Variants in RSBN1L observed in about 807,000 individuals in gnomAD.
The protein encoded by RSBN1L is round spermatid basic protein 1 like, also known as lysine-specific demethylase RSBN1L.
A neutral mutation model predicts 67.7 loss-of-function variants in RSBN1L; 30 were observed. The observed-to-expected ratio is 0.44, with a 90% confidence interval of 0.33 to 0.60. The LOEUF (loss-of-function observed/expected upper bound fraction) is 0.60. Among genes scored for constraint, RSBN1L ranks in the 20% least tolerant of loss-of-function variants. RSBN1L has a pLI of 0.02. For synonymous variants in RSBN1L, 433 were observed against 387.0 expected (o/e 1.12, Z -1.39); for missense variants, 992 against 1,031.7 (o/e 0.96, Z 0.53).
At chr7:77,699,771 G>T (rs1184558229) in intron 1 of RSBN1L, among the ~76,000 whole-genome samples, 1 of 151,706 alleles carries the variant, frequency 6.6e-6, no homozygotes. Context: ...TTTCTTATAA[G>T]AAGGAAAAGT....
At chr7:77,758,101 A>C (rs1791644687) in intron 3 of RSBN1L, among the ~76,000 whole-genome samples, 1 of 152,196 alleles carries the variant, frequency 6.6e-6, no homozygotes, top group Non-Finnish European at 1.5e-5. Context: ...CACTGTTTTT[A>C]ATCGATAAAA....
chr7:77,767,932 C>G (rs1257714812), intron 4 of RSBN1L, among the ~76,000 whole-genome samples: 1 of 142,838 alleles, frequency 7.0e-6, no homozygotes, highest in Non-Finnish European at 1.5e-5. Flanking sequence ...CTCACTGCAA[C>G]CTCCGCCTCC....
chr7:77,772,596 GA>G (rs1318796632), intron 5 of RSBN1L, among the ~76,000 whole-genome samples: 1 of 152,190 alleles, frequency 6.6e-6, no homozygotes, highest in African/African-American at 2.4e-5. Context: ...ATGTTTTGTG[GA>G]AGCACTTACT....
intron 1 of RSBN1L, among the ~76,000 whole-genome samples, chr7:77,720,966 A>G (rs908880914): frequency 1.3e-5 from 2 of 151,746 alleles, no homozygotes; most frequent in Non-Finnish European, 2.9e-5. Context: ...CATTTTGGTC[A>G]TATGACCTCA....
At chr7:77,765,452 A>G in intron 3 of RSBN1L, 43 bp from the exon 4 acceptor site, 4 of 1,436,846 alleles carry the variant, frequency 2.8e-6, no homozygotes, top group Non-Finnish European at 3.7e-6. Flanking sequence ...TCTTCAGGTA[A>G]AAAGAACGTA....
chr7:77,706,095 A>G (rs976615547), intron 1 of RSBN1L, among the ~76,000 whole-genome samples: 155 of 142,392 alleles, frequency 1.1e-3, no homozygotes, highest in African/African-American at 4.0e-3. Flanking sequence ...TTTTTTTTTG[A>G]GACGGAATCT....
chr7:77,733,067 G>A (rs1791291344), intron 1 of RSBN1L, among the ~76,000 whole-genome samples: 1 of 152,178 alleles, frequency 6.6e-6, no homozygotes, highest in Non-Finnish European at 1.5e-5. Context: ...GCTGAGGCAG[G>A]AGGATTGCTT....
intron 1 of RSBN1L, among the ~76,000 whole-genome samples, chr7:77,705,640 T>C (rs1265535914): frequency 6.6e-6 from 1 of 150,944 alleles, no homozygotes; most frequent in Non-Finnish European, 1.5e-5. Flanking sequence ...GCCTCCTGGG[T>C]AGCTGGGATT....
intron 2 of RSBN1L, among the ~76,000 whole-genome samples, chr7:77,748,777 G>T (rs926542885): frequency 1.3e-5 from 2 of 152,054 alleles, no homozygotes; most frequent in Non-Finnish European, 2.9e-5. Flanking sequence ...GAGCCACTGC[G>T]CCTGGCCTGA....
intron 3 of RSBN1L, among the ~76,000 whole-genome samples, chr7:77,757,950 A>T (rs1791641568): frequency 6.6e-6 from 1 of 152,006 alleles, no homozygotes; most frequent in East Asian, 1.9e-4. Context: ...CACTTCTTTT[A>T]GGTTATTTAT....
chr7:77,736,984 G>A (rs962069800), intron 2 of RSBN1L, among the ~76,000 whole-genome samples: 2 of 151,902 alleles, frequency 1.3e-5, no homozygotes, highest in South Asian at 2.1e-4. Flanking sequence ...AATCAGAAGC[G>A]GTATGTTTCT....
chr7:77,748,855 G>C (rs533975490), intron 2 of RSBN1L, among the ~76,000 whole-genome samples: 2 of 152,256 alleles, frequency 1.3e-5, no homozygotes, highest in South Asian at 2.1e-4. Flanking sequence ...CTATATGTCA[G>C]AATGGTAGCA....
chr7:77,780,378 T>G lies in RSBN1L; in HGVS notation c.*1210T>G, dbSNP rs1384221947. 6.6e-6 allele frequency: 1 copy of G among 152,210 alleles called. No individual in the cohort carries two copies. Among genetic ancestry groups the G allele is most frequent in the Non-Finnish European group, 1.5e-5 (1 of 68,028 alleles). The allele number at this position is 152,210 out of a possible 1,614,324, so 9.4% of individuals were successfully genotyped here. A position where few individuals can be genotyped will look rare whatever the true frequency, so the allele number is the denominator to read the frequency against. Reference sequence around the variant, plus strand: ...AGAAAGTTGGGAGAAACAAGGTATGTTAATGATAACAAAGGCTTCTAACTA... The same window carrying G: ...AGAAAGTTGGGAGAAACAAGGTATGGTAATGATAACAAAGGCTTCTAACTA... On this transcript the variant is annotated 3_prime_UTR_variant, in exon 8 of 8. Transcript: ENST00000334955.
chr7:77,728,590 A>G (rs531592853), intron 1 of RSBN1L, among the ~76,000 whole-genome samples: 101 of 152,332 alleles, frequency 6.6e-4, no homozygotes, highest in African/African-American at 2.3e-3. Context: ...TTTGGCAGAG[A>G]TAAACAGCAG....
intron 1 of RSBN1L, among the ~76,000 whole-genome samples, chr7:77,712,875 A>G (rs1790993936): frequency 6.6e-6 from 1 of 152,164 alleles, no homozygotes; most frequent in Non-Finnish European, 1.5e-5. Flanking sequence ...AAGTTGAATT[A>G]TAGGGGGTAA....
chr7:77,735,054 GA>G (rs746643977), intron 1 of RSBN1L, among the ~76,000 whole-genome samples: 56 of 138,892 alleles, frequency 4.0e-4, no homozygotes, highest in African/African-American at 1.0e-3. Flanking sequence ...GTTATCACTT[GA>G]AAAAAAAAAA....
chr7:77,738,083 A>G (rs984275921), intron 2 of RSBN1L, among the ~76,000 whole-genome samples: 1 of 151,744 alleles, frequency 6.6e-6, no homozygotes, highest in East Asian at 1.9e-4. Flanking sequence ...GTTTAGCCCA[A>G]TAGCCATTTT....
chr7:77,745,666 A>G (rs894380940), intron 2 of RSBN1L, among the ~76,000 whole-genome samples: 2 of 152,252 alleles, frequency 1.3e-5, no homozygotes, highest in Non-Finnish European at 2.9e-5. Flanking sequence ...TTCACGGAAG[A>G]CAGTGATTCC....
In RSBN1L at chr7:77,781,161, T is replaced by A. The variant is rs1176907472; in HGVS notation, c.*1993T>A. 6.6e-6 allele frequency: 1 copy of A among 152,194 alleles called. No individual in the cohort carries two copies. Among genetic ancestry groups the A allele is most frequent in the Non-Finnish European group, 1.5e-5 (1 of 68,036 alleles). The allele number at this position is 152,194 out of a possible 1,614,324, so 9.4% of individuals were successfully genotyped here. On this transcript the variant is annotated 3_prime_UTR_variant, in exon 8 of 8. Coordinates refer to ENST00000334955, the MANE Select transcript of RSBN1L (RefSeq NM_198467.3). The stretch of plus-strand genomic sequence containing the variant: ...CAATGATGTCAGTTTTGGCCCCTAG[T>A]TTAATAAAAGGATAGGCAAATATCA...
Sources: allele counts gnomAD v4.1 joint callset (sites outside exome capture counted in the v4.1 genomes callset), GRCh38; gene constraint gnomAD v4.1.1; transcripts MANE v1.5; gene names NCBI Gene and HGNC (gene_info 2026-07-23, HGNC 2026-07-21).